Variants in ATRNL1 observed in about 807,000 individuals in gnomAD.
ATRNL1 encodes the protein attractin-like protein 1.
Under a neutral mutation model 182.7 loss-of-function variants are expected in ATRNL1, and 95 were observed. The observed-to-expected ratio is 0.52, with a 90% CI of 0.44 to 0.62. ATRNL1 has a LOEUF of 0.62. ATRNL1 is among the 20% of genes least tolerant of loss of function. The probability of loss-of-function intolerance (pLI) is 0.00; values close to 1 mark genes in which losing one functional copy is unlikely to be tolerated. For missense variants in ATRNL1, 1,471 were observed against 1,679.5 expected (o/e 0.88, Z 2.17); for synonymous variants, 576 against 568.3 (o/e 1.01, Z -0.19).
rs1437351211 is a variant in ATRNL1 at position 115,096,807 on chromosome 10, C to T, written c.293+2764C>T. The stretch of plus-strand genomic sequence containing the variant: ...GTTTCCATTTGAAAAGAATAAAGCA[C>T]TCAGAATAACAAGCCATTCCTTCCT... On this transcript the variant is annotated intron_variant, in intron 1 of 28. Transcript: ENST00000355044. 3 of 1,177,132 alleles carry T rather than the reference C, an allele frequency of 2.5e-6. No individual in the cohort carries two copies. The African/African-American group carries it at 4.8e-5, about 19-fold the overall frequency. The allele number at this position is 1,177,132 out of a possible 1,614,324, so 72.9% of individuals were successfully genotyped here.
At chr10:115,282,973 C>G (rs782138344) in intron 14 of ATRNL1, among the ~76,000 whole-genome samples, 25 of 151,964 alleles carry the variant, frequency 1.6e-4, no homozygotes, top group Non-Finnish European at 2.5e-4. Flanking sequence ...CCTCCCCTAG[C>G]CCCCTACCCC....
intron 28 of ATRNL1, among the ~76,000 whole-genome samples, chr10:115,880,394 C>G (rs1437875689): frequency 2.0e-5 from 3 of 152,170 alleles, no homozygotes; most frequent in Admixed American, 6.5e-5. Flanking sequence ...GAGGCCAAGG[C>G]AGGTGGATCA....
At chr10:115,236,575 TG>T (rs1337844857) in intron 9 of ATRNL1, among the ~76,000 whole-genome samples, 8 of 152,244 alleles carry the variant, frequency 5.3e-5, no homozygotes, top group Non-Finnish European at 1.0e-4. Flanking sequence ...TTGTTTGTTT[TG>T]TTTTTTTAAC....
intron 19 of ATRNL1, among the ~76,000 whole-genome samples, chr10:115,375,402 A>G (rs1554949278): frequency 6.6e-6 from 1 of 152,026 alleles, no homozygotes; most frequent in African/African-American, 2.4e-5. Context: ...TTGTTTGATC[A>G]CTAAAAAAAG....
chr10:115,765,587 T>C (rs1593186447), intron 27 of ATRNL1, among the ~76,000 whole-genome samples: 1 of 152,222 alleles, frequency 6.6e-6, no homozygotes, highest in African/African-American at 2.4e-5. Flanking sequence ...AGTCTGTAAC[T>C]TGTCTTCTTA....
chr10:115,775,632 AATTTT>A (rs1949103672), intron 27 of ATRNL1, among the ~76,000 whole-genome samples: 2 of 152,184 alleles, frequency 1.3e-5, no homozygotes, highest in Admixed American at 6.5e-5. Flanking sequence ...TTTAAAGCAC[AATTTT>A]ATTTAAGGTA....
Position 115,286,244 on chromosome 10 carries a change from T to C in ATRNL1, c.2262T>C (p.His754=), listed in dbSNP as rs377011388. 72 of 1,592,134 alleles carry C rather than the reference T, an allele frequency of 4.5e-5. No homozygotes were observed. In the African/African-American group the frequency reaches 7.5e-4, roughly 17 times the overall value. ...PAHLCGEGWS[H]IGDACLRVNS... ...ATCTTTGTGGAGAAGGATGGAGTCA[T>C]ATTGGGGATGCTTGTCTTAGAGTCA... Residue 754 remains histidine, a synonymous_variant, in exon 15 of 29, where the codon CAT becomes CAC. Transcript: ENST00000355044.
chr10:115,676,917 C>A (rs1277170670), intron 26 of ATRNL1, among the ~76,000 whole-genome samples: 5 of 151,928 alleles, frequency 3.3e-5, no homozygotes, highest in African/African-American at 1.2e-4. Flanking sequence ...TCTGCTACAC[C>A]CATGACCAAT....
chr10:115,321,408 T>C (rs572749731), intron 18 of ATRNL1, among the ~76,000 whole-genome samples: 8 of 152,316 alleles, frequency 5.3e-5, no homozygotes, highest in Admixed American at 4.6e-4. Flanking sequence ...TATGGTTGTT[T>C]TATATATCCT....
chr10:115,116,639 G>T (rs894735141), intron 1 of ATRNL1, among the ~76,000 whole-genome samples: 3 of 152,018 alleles, frequency 2.0e-5, no homozygotes, highest in Non-Finnish European at 2.9e-5. Context: ...AAGGAGAATT[G>T]TTCTTTCTTT....
intron 19 of ATRNL1, among the ~76,000 whole-genome samples, chr10:115,383,405 T>C (rs1858143306): frequency 6.6e-6 from 1 of 151,958 alleles, no homozygotes; most frequent in Admixed American, 6.6e-5. Context: ...GTATGGTTTG[T>C]GTCTGTATGT....
chr10:115,909,585 T>C (rs992938350), intron 28 of ATRNL1: 1 of 140,398 alleles, frequency 7.1e-6, no homozygotes, highest in Non-Finnish European at 1.5e-5. Context: ...CAGGTTAGCT[T>C]CATGGTTTTT....
intron 15 of ATRNL1, among the ~76,000 whole-genome samples, chr10:115,291,039 C>T (rs1204118411): frequency 6.6e-6 from 1 of 152,172 alleles, no homozygotes; most frequent in Non-Finnish European, 1.5e-5. Context: ...GCACAGCTGC[C>T]GGCATTCACC....
chr10:115,423,702 G>A (rs1845750414), intron 20 of ATRNL1, among the ~76,000 whole-genome samples: 1 of 152,068 alleles, frequency 6.6e-6, no homozygotes, highest in African/African-American at 2.4e-5. Flanking sequence ...TTTAATAAGT[G>A]ATGCTGGGAA....
rs372251514 is a variant in ATRNL1 at position 115,459,060 on chromosome 10, A to G, written c.3323-2881A>G. On this transcript the variant is annotated intron_variant, in intron 21 of 28. Transcript: ENST00000355044. ...CAATCTCTAAACATAAATTGTAAAG[A>G]TTTCATGGACACTTATCACTTCCCC... is the stretch of plus-strand genomic sequence containing the variant. Among the ~76,000 whole-genome samples the G allele has an allele frequency of 2.0e-5, 3 of 152,248 alleles. No individual in the cohort carries two copies. In the East Asian group the frequency reaches 5.8e-4, roughly 29 times the overall value.
At chr10:115,438,376 C>T (rs1436564091) in intron 21 of ATRNL1, among the ~76,000 whole-genome samples, 2 of 151,938 alleles carry the variant, frequency 1.3e-5, no homozygotes, top group Non-Finnish European at 2.9e-5. Flanking sequence ...TAAAGCAAAT[C>T]TTAAATATTC....
chr10:115,321,354 AT>A (rs1168152857), intron 18 of ATRNL1, among the ~76,000 whole-genome samples: 1 of 152,152 alleles, frequency 6.6e-6, no homozygotes, highest in Non-Finnish European at 1.5e-5. Context: ...AAAAGTTACT[AT>A]TTGATATGTG....
chr10:115,873,254 A>G (rs1305479725), intron 28 of ATRNL1, among the ~76,000 whole-genome samples: 1 of 152,208 alleles, frequency 6.6e-6, no homozygotes, highest in African/African-American at 2.4e-5. Flanking sequence ...AAATCTTGCC[A>G]AGGCAAGGAT....
rs145773030 is a variant in ATRNL1, at chr10:115,798,335, G to C, written c.3904-49542G>C. Among the ~76,000 whole-genome samples, 13 of 152,172 alleles carry C rather than the reference G, an allele frequency of 8.5e-5. No homozygotes were observed. In the East Asian group the frequency reaches 1.9e-3, roughly 23 times the overall value. On this transcript the variant is annotated intron_variant, in intron 27 of 28. Coordinates refer to ENST00000355044, the MANE Select transcript of ATRNL1 (RefSeq NM_207303.4). Reference sequence around the variant, plus strand: ...TTTAGTTAGCCTAGGTGAGATTCCTGCTCTCTCACCTGTTACAGGAGGCTT... The same window carrying C: ...TTTAGTTAGCCTAGGTGAGATTCCTCCTCTCTCACCTGTTACAGGAGGCTT...
Sources: gnomAD v4.1 joint callset for allele counts (sites outside exome capture counted in the v4.1 genomes callset) on GRCh38, gnomAD v4.1.1 for gene constraint, MANE v1.5 for transcripts, NCBI Gene and HGNC (gene_info 2026-07-23, HGNC 2026-07-21) for gene names.